Variants in DENND6A observed in about 807,000 individuals in gnomAD.
DENND6A encodes protein DENND6A.
In DENND6A, 43 loss-of-function variants were observed where a neutral mutation model predicts 95.5. The observed-to-expected ratio is 0.45, with a 90% confidence interval of 0.35 to 0.58. The LOEUF (loss-of-function observed/expected upper bound fraction) is 0.58, where lower values mean the gene tolerates loss of function less well. Among genes scored for constraint, DENND6A ranks in the 20% least tolerant of loss-of-function variants. The probability of loss-of-function intolerance (pLI) is 0.00; values close to 1 mark genes in which losing one functional copy is unlikely to be tolerated. For missense variants in DENND6A, 574 were observed against 736.0 expected (o/e 0.78, Z 2.55); for synonymous variants, 257 against 260.4 (o/e 0.99, Z 0.13).
At chr3:57,673,425 G>C (rs527949212) in intron 1 of DENND6A, among the ~76,000 whole-genome samples, 1 of 152,126 alleles carries the variant, frequency 6.6e-6, no homozygotes, top group African/African-American at 2.4e-5. Flanking sequence ...GCTGGGAAGA[G>C]TAGTAAGAGT....
intron 9 of DENND6A, among the ~76,000 whole-genome samples, chr3:57,648,348 AGAC>A (rs1575831014): frequency 2.0e-5 from 3 of 152,198 alleles, no homozygotes; most frequent in Admixed American, 1.3e-4. Flanking sequence ...AAAAAATCAC[AGAC>A]GACACAAACA....
intron 1 of DENND6A, among the ~76,000 whole-genome samples, chr3:57,688,634 C>A (rs992195835): frequency 1.3e-5 from 2 of 151,724 alleles, no homozygotes; most frequent in Non-Finnish European, 2.9e-5. Context: ...CACTGCAGCA[C>A]AAACCAGCTT....
intron 1 of DENND6A, among the ~76,000 whole-genome samples, chr3:57,684,151 CAAAAAAAAAA>C (rs35147242): frequency 2.5e-5 from 2 of 79,116 alleles, no homozygotes; most frequent in Middle Eastern, 0.011. Context: ...GACTCCGTCT[CAAAAAAAAAA>C]AAAAAAAAAG....
chr3:57,676,644 A>G (rs1366301927), intron 1 of DENND6A, among the ~76,000 whole-genome samples: 1 of 152,104 alleles, frequency 6.6e-6, no homozygotes, highest in African/African-American at 2.4e-5. Flanking sequence ...AGTAAAAAAA[A>G]GGGGCAGAGG....
intron 12 of DENND6A, among the ~76,000 whole-genome samples, chr3:57,635,933 A>G (rs1262284245): frequency 6.6e-6 from 1 of 152,184 alleles, no homozygotes; most frequent in Non-Finnish European, 1.5e-5. Flanking sequence ...GAAGACTTTT[A>G]TGATGATCCA....
rs1311416917 is a variant in DENND6A, at chr3:57,632,721, T to TA, written c.1353+543dup. On this transcript the variant is annotated intron_variant, in intron 15 of 19. Transcript: ENST00000311128. ...CATCATGGTACTCCCTATACTTTAA[T>TA]ATGACATCCTTCTGAATTTCTTACA... 1.3e-5 allele frequency among the ~76,000 whole-genome samples: 2 copies of TA among 152,228 alleles called. 1 individual carries two copies. The highest frequency in any genetic ancestry group is 2.9e-5 in the Non-Finnish European group (2 of 68,040).
chr3:57,686,816 A>C (rs2077215486), intron 1 of DENND6A, among the ~76,000 whole-genome samples: 1 of 152,166 alleles, frequency 6.6e-6, no homozygotes, highest in African/African-American at 2.4e-5. Flanking sequence ...GTAAGACACA[A>C]CAATATTTGC....
At chr3:57,656,168 A>T (rs894406273) in intron 9 of DENND6A, among the ~76,000 whole-genome samples, 4 of 152,210 alleles carry the variant, frequency 2.6e-5, no homozygotes, top group Non-Finnish European at 5.9e-5. Flanking sequence ...AAATGCCCGC[A>T]GCCCTTATGT....
chr3:57,641,820 T>A (rs2070947382), intron 11 of DENND6A, 73 bp from the exon 12 acceptor site: 2 of 1,305,286 alleles, frequency 1.5e-6, no homozygotes, highest in Non-Finnish European at 2.2e-6. Context: ...AAGAATAGTT[T>A]ACTTTTTTTT....
intron 1 of DENND6A, among the ~76,000 whole-genome samples, chr3:57,681,498 C>T (rs1009325448): frequency 2.0e-5 from 3 of 151,434 alleles, no homozygotes; most frequent in African/African-American, 7.3e-5. Flanking sequence ...GTGGCAGGCA[C>T]TTGTAGTCCC....
intron 1 of DENND6A, chr3:57,679,586 T>C: frequency 2.0e-6 from 2 of 983,036 alleles, no homozygotes; most frequent in Non-Finnish European, 2.4e-6. Context: ...ACCAAAACCA[T>C]GTTTTGGTCC....
At chr3:57,628,368 C>T in intron 19 of DENND6A, 23 bp from the exon 20 acceptor site, 1 of 1,608,072 alleles carries the variant, frequency 6.2e-7, no homozygotes, top group South Asian at 1.1e-5. Flanking sequence ...CATTTCATAA[C>T]ATTTAAATTA....
rs187904838 is a variant in DENND6A at position 57,692,524 on chromosome 3, T to G, written c.237+258A>C. Among the ~76,000 whole-genome samples, 472 of 152,162 alleles carry G rather than the reference T, an allele frequency of 3.1e-3. 2 individuals are homozygous for G. Among genetic ancestry groups the G allele is most frequent in the African/African-American group, 0.011 (444 of 41,508 alleles). ...TCTGTGACTCTGCGTTTAAAAGAAATAAAGAAAGAACAGGATGAACATCAA... is the reference window on the plus strand; with the variant it reads ...TCTGTGACTCTGCGTTTAAAAGAAAGAAAGAAAGAACAGGATGAACATCAA... On this transcript the variant is annotated intron_variant, in intron 1 of 19. Transcript: ENST00000311128.
At chr3:57,661,369 T>C (rs1318069815) in intron 6 of DENND6A, 77 bp downstream of exon 6, 8 of 1,115,796 alleles carry the variant, frequency 7.2e-6, no homozygotes, top group African/African-American at 3.3e-5. Context: ...TAAATTGTTA[T>C]AAATCAACTT....
chr3:57,692,652 A>G, intron 1 of DENND6A, 130 bp downstream of exon 1: 1 of 792,652 alleles, frequency 1.3e-6, no homozygotes. Context: ...AGAGCGCGGG[A>G]GGGGAGACTG....
At chr3:57,658,524 T>A (rs1475878300) in intron 8 of DENND6A, among the ~76,000 whole-genome samples, 1 of 152,210 alleles carries the variant, frequency 6.6e-6, no homozygotes, top group Non-Finnish European at 1.5e-5. Flanking sequence ...GGAGACCCTG[T>A]CCTTGTTTAA....
intron 9 of DENND6A, 129 bp downstream of exon 9, chr3:57,657,551 T>C (rs775426388): frequency 2.4e-4 from 143 of 606,256 alleles, no homozygotes; most frequent in Middle Eastern, 4.0e-4. Context: ...CATTGATTTA[T>C]AACATGTAAA....
At chr3:57,670,400 G>A (rs895677337) in intron 3 of DENND6A, among the ~76,000 whole-genome samples, 1 of 152,194 alleles carries the variant, frequency 6.6e-6, no homozygotes, top group African/African-American at 2.4e-5. Context: ...TGGACTTCTA[G>A]GGGTGGTAAT....
chr3:57,632,745 CA>C (rs2070714083), intron 15 of DENND6A, among the ~76,000 whole-genome samples: 2 of 152,256 alleles, frequency 1.3e-5, no homozygotes, highest in Admixed American at 1.3e-4. Context: ...GAATTTCTTA[CA>C]ATAACCACAT....
Sources: gnomAD v4.1 joint callset for allele counts (sites outside exome capture counted in the v4.1 genomes callset) on GRCh38, gnomAD v4.1.1 for gene constraint, MANE v1.5 for transcripts, NCBI Gene and HGNC (gene_info 2026-07-23, HGNC 2026-07-21) for gene names.